Variants in ZNF705A observed in about 807,000 individuals in gnomAD.
ZNF705A encodes zinc finger protein 705A.
A neutral mutation model predicts 16.6 loss-of-function variants in ZNF705A; 8 were observed. The observed-to-expected ratio is 0.48, with a 90% CI of 0.28 to 0.87. ZNF705A has a LOEUF of 0.87. ZNF705A is among the 40% of genes least tolerant of loss of function. The pLI is 0.10. For synonymous variants in ZNF705A, 73 were observed against 117.3 expected, an observed-to-expected ratio of 0.62 and a Z score of 2.44; for missense variants, 233 against 359.9, an observed-to-expected ratio of 0.65 and a Z score of 2.85.
At chr12:8,171,923 G>C (rs1948448585), upstream of ZNF705A, among the ~76,000 whole-genome samples, 1 of 152,160 alleles carries the variant, frequency 6.6e-6, no homozygotes, top group Admixed American at 6.5e-5. Flanking sequence ...TTTCAGTAAA[G>C]ACGGGGTTTC....
intron 1 of ZNF705A, among the ~76,000 whole-genome samples, chr12:8,174,071 A>G: frequency 6.6e-6 from 1 of 152,202 alleles, no homozygotes; most frequent in Non-Finnish European, 1.5e-5. Flanking sequence ...ACATTACTGA[A>G]AAATATCTGG....
At chr12:8,167,858 T>C (rs1183370820), upstream of ZNF705A, among the ~76,000 whole-genome samples, 1 of 152,168 alleles carries the variant, frequency 6.6e-6, no homozygotes, top group African/African-American at 2.4e-5. Context: ...AAAAAGGCTT[T>C]AGAACAGGAA....
chr12:8,170,105 C>A (rs1481363341), upstream of ZNF705A, among the ~76,000 whole-genome samples: 4 of 151,344 alleles, frequency 2.6e-5, no homozygotes, highest in Non-Finnish European at 5.9e-5. Context: ...TGGAGAATTG[C>A]TTGAACCCGG....
At chr12:8,174,974 C>G (rs1235928259) in intron 2 of ZNF705A, among the ~76,000 whole-genome samples, 1 of 152,154 alleles carries the variant, frequency 6.6e-6, no homozygotes, top group East Asian at 1.9e-4. Context: ...TGTCTTGGAA[C>G]TTAGGCATGG....
At chr12:8,165,428 A>G (rs1397573855) in intron 1 of ZNF705A, among the ~76,000 whole-genome samples, 12 of 135,600 alleles carry the variant, frequency 8.8e-5, no homozygotes, top group East Asian at 6.5e-4. Context: ...GACTACAGGC[A>G]CCTGCCACCA....
At chr12:8,177,798 A>G (rs1211893921) in exon 5 of ZNF705A, 1 of 757,306 alleles carries the variant, frequency 1.3e-6, no homozygotes, top group African/African-American at 1.8e-5. Context: ...TGTAGCATCT[A>G]AACATGCCAA....
intron 1 of ZNF705A, among the ~76,000 whole-genome samples, chr12:8,162,087 C>A (rs988855220): frequency 6.6e-6 from 1 of 152,156 alleles, no homozygotes; most frequent in Non-Finnish European, 1.5e-5. Flanking sequence ...GCCTTCTTAA[C>A]AGGAAATTCA....
chr12:8,161,017 TGA>T (rs1230364983), intron 1 of ZNF705A, among the ~76,000 whole-genome samples: 1 of 152,196 alleles, frequency 6.6e-6, no homozygotes, highest in Non-Finnish European at 1.5e-5. Context: ...CGGATTTTGC[TGA>T]GAGTTTTAAT....
At chr12:8,158,186 A>G (rs1161740881) in intron 1 of ZNF705A, among the ~76,000 whole-genome samples, 2 of 152,092 alleles carry the variant, frequency 1.3e-5, no homozygotes, top group Non-Finnish European at 2.9e-5. Flanking sequence ...AGGCCTGATA[A>G]TTTAAAAGGA....
At chr12:8,173,818 T>G (rs1275132147) in intron 1 of ZNF705A, among the ~76,000 whole-genome samples, 1 of 152,214 alleles carries the variant, frequency 6.6e-6, no homozygotes, top group Non-Finnish European at 1.5e-5. Context: ...GGAAACACGT[T>G]TTCTATTAGT....
chr12:8,164,526 C>T (rs868792703), intron 1 of ZNF705A, among the ~76,000 whole-genome samples: 6 of 152,200 alleles, frequency 3.9e-5, no homozygotes, highest in African/African-American at 1.4e-4. Flanking sequence ...TGTTGTTCCC[C>T]TCCTAATATC....
At chr12:8,164,147 T>C (rs1948379725) in intron 1 of ZNF705A, among the ~76,000 whole-genome samples, 1 of 152,170 alleles carries the variant, frequency 6.6e-6, no homozygotes, top group African/African-American at 2.4e-5. Context: ...CAATACAGTA[T>C]TCTTAGCTGT....
At chr12:8,176,410 A>C (rs764975141) in intron 4 of ZNF705A, among the ~76,000 whole-genome samples, 3 of 152,322 alleles carry the variant, frequency 2.0e-5, no homozygotes, top group Admixed American at 2.0e-4. Flanking sequence ...TTAAAGGGGA[A>C]AGGGTGGGAT....
At chr12:8,171,538 T>G (rs1192268641), upstream of ZNF705A, among the ~76,000 whole-genome samples, 2 of 152,206 alleles carry the variant, frequency 1.3e-5, no homozygotes, top group East Asian at 3.8e-4. Context: ...ATTGAGCTGC[T>G]AAATTTCTCC....
At chr12:8,171,289 T>G (rs1220779256), upstream of ZNF705A, among the ~76,000 whole-genome samples, 5 of 152,220 alleles carry the variant, frequency 3.3e-5, no homozygotes, top group Non-Finnish European at 5.9e-5. Context: ...AAAATGTATT[T>G]AATTATTTTT....
At chr12:8,158,038 C>G (rs941381097) in intron 1 of ZNF705A, among the ~76,000 whole-genome samples, 2 of 152,026 alleles carry the variant, frequency 1.3e-5, no homozygotes, top group Non-Finnish European at 2.9e-5. Flanking sequence ...AACTATAGAT[C>G]ATGGATTATA....
chr12:8,177,543 T>C lies in ZNF705A; in HGVS notation c.863T>C (p.Leu288Pro), dbSNP rs377688583. The C allele has an allele frequency of 5.6e-4, 910 of 1,612,292 alleles. No individual in the cohort carries two copies. Among genetic ancestry groups the C allele is most frequent in the Non-Finnish European group, 7.1e-4 (835 of 1,179,892 alleles). ...GGAGAGAAACCACATGCTTGTCTTC[T>C]ATGTGGGAAGGCCTTCAGTCTGTCT... Residue 288 changes from leucine to proline, a missense_variant, in exon 5 of 5, where the codon CTA (leucine) becomes CCA (proline). Transcript: ENST00000359286.
chr12:8,166,886 C>G (rs1179547834), intron 1 of ZNF705A, among the ~76,000 whole-genome samples: 9 of 152,256 alleles, frequency 5.9e-5, no homozygotes, highest in Non-Finnish European at 7.3e-5. Flanking sequence ...GGAGGGGCTG[C>G]CACCAGCCAA....
At chr12:8,177,727 T>C in exon 5 of ZNF705A, 1 of 1,279,226 alleles carries the variant, frequency 7.8e-7, no homozygotes, top group East Asian at 2.5e-5. Context: ...ATTCTGACTT[T>C]AGATGACACT....
Sources: allele counts gnomAD v4.1 joint callset (sites outside exome capture counted in the v4.1 genomes callset), GRCh38; gene constraint gnomAD v4.1.1; transcripts MANE v1.5; gene names NCBI Gene and HGNC (gene_info 2026-07-23, HGNC 2026-07-21).